The following TAB2 variants were observed in gnomAD, a reference collection of about 807,000 sequenced individuals.
The protein encoded by TAB2 is TGF-beta activated kinase 1 (MAP3K7) binding protein 2.
Under a neutral mutation model 65.0 loss-of-function variants are expected in TAB2, and 3 were observed. The ratio of observed to expected loss-of-function variants is 0.05; its 90% CI spans 0.02 to 0.12. The LOEUF is 0.12. TAB2 is among the 10% of genes least tolerant of loss of function. The probability of loss-of-function intolerance (pLI) is 1.00; values close to 1 mark genes in which losing one functional copy is unlikely to be tolerated. For synonymous variants in TAB2, 298 were observed against 285.1 expected, an observed-to-expected ratio of 1.05 and a Z score of -0.46; for missense variants, 623 against 840.3, an observed-to-expected ratio of 0.74 and a Z score of 3.20.
intron 1 of TAB2, among the ~76,000 whole-genome samples, chr6:149,369,157 C>G (rs1008185495): frequency 6.6e-6 from 1 of 152,036 alleles, no homozygotes; most frequent in Non-Finnish European, 1.5e-5. Flanking sequence ...GTACTTATCT[C>G]CTATTTATAT....
chr6:149,254,145 G>A (rs55676932), intron 1 of TAB2, among the ~76,000 whole-genome samples: 19,972 of 144,150 alleles, frequency 0.14, 1,881 homozygotes, highest in East Asian at 0.26. Context: ...GAAAGGAAAG[G>A]AAAGAAAAGG....
chr6:149,250,273 C>T (rs1403715729), intron 1 of TAB2, among the ~76,000 whole-genome samples: 6 of 151,646 alleles, frequency 4.0e-5, no homozygotes, highest in Admixed American at 2.6e-4. Flanking sequence ...AAAGTCTAAA[C>T]CTTAGTGTGT....
intron 1 of TAB2, among the ~76,000 whole-genome samples, chr6:149,337,290 C>CAATT (rs61144167): frequency 0.89 from 134,738 of 151,886 alleles, 59,768 homozygotes; most frequent in Middle Eastern, 0.96. Context: ...TTTTCAAAAA[C>CAATT]AACTATATTT....
chr6:149,344,001 TCCTTCCTTACATC>T (rs2114785865), intron 1 of TAB2, among the ~76,000 whole-genome samples: 1 of 152,318 alleles, frequency 6.6e-6, no homozygotes, highest in South Asian at 2.1e-4. Flanking sequence ...TGTGCTTAAC[TCCTTCCTTACATC>T]CCTTCCTGCA....
chr6:149,379,440 C>G lies in TAB2; in HGVS notation c.1525C>G (p.Pro509Ala). 1 of 1,614,004 alleles carries G rather than the reference C, an allele frequency of 6.2e-7. No individual in the cohort carries two copies. Among genetic ancestry groups the G allele is most frequent in the Non-Finnish European group, 8.5e-7 (1 of 1,180,002 alleles). ...ETENIQHLTD[P>A]TLAHVDRISE... ...CGAGAATATTCAGCACCTCACGGACCCTACATTAGCACATGTGGATAGAAT... is the reference window on the plus strand; with the variant it reads ...CGAGAATATTCAGCACCTCACGGACGCTACATTAGCACATGTGGATAGAAT... The change falls in exon 3 of 7, where the codon CCT (proline) becomes GCT (alanine). Residue 509 changes from proline to alanine, a missense_variant. By Grantham distance (27) the Pro-to-Ala change is conservative. Transcript: ENST00000637181.
intron 1 of TAB2, chr6:149,321,396 T>G (rs1008114740): frequency 6.6e-6 from 1 of 152,192 alleles, no homozygotes; most frequent in African/African-American, 2.4e-5. Context: ...CCTGAGTAAG[T>G]ACTCTTAGGA....
At chr6:149,353,062 C>G (rs1012301968) in intron 1 of TAB2, among the ~76,000 whole-genome samples, 1 of 152,118 alleles carries the variant, frequency 6.6e-6, no homozygotes, top group Non-Finnish European at 1.5e-5. Flanking sequence ...ATTACTGATT[C>G]CATGGTTCTC....
chr6:149,346,448 CTTTT>C (rs11399281), intron 1 of TAB2: 37 of 113,396 alleles, frequency 3.3e-4, no homozygotes, highest in Non-Finnish European at 4.3e-4. Context: ...GTTGGTGAAA[CTTTT>C]TTTTTTTTTT....
chr6:149,288,854 ATTTTT>A (rs71007938), intron 1 of TAB2, among the ~76,000 whole-genome samples: 23,459 of 115,348 alleles, frequency 0.2, 1,911 homozygotes, highest in East Asian at 0.39. Flanking sequence ...TTAATTTTTA[ATTTTT>A]TTTTTTTTTT....
At chr6:149,250,273 C>A (rs1403715729) in intron 1 of TAB2, among the ~76,000 whole-genome samples, 1 of 151,646 alleles carries the variant, frequency 6.6e-6, no homozygotes, top group South Asian at 2.1e-4. Context: ...AAAGTCTAAA[C>A]CTTAGTGTGT....
At chr6:149,308,393 A>G (rs1167398170) in intron 1 of TAB2, among the ~76,000 whole-genome samples, 1 of 152,190 alleles carries the variant, frequency 6.6e-6, no homozygotes, top group Non-Finnish European at 1.5e-5. Context: ...CTTTGCCATT[A>G]ATAAACAAAC....
intron 1 of TAB2, among the ~76,000 whole-genome samples, chr6:149,311,271 A>G (rs555156317): frequency 2.0e-5 from 3 of 152,258 alleles, no homozygotes; most frequent in African/African-American, 7.2e-5. Flanking sequence ...TTCTCCAGCT[A>G]TCACAGACAC....
chr6:149,253,617 C>CAAA (rs1170705031), intron 1 of TAB2, among the ~76,000 whole-genome samples: 831 of 64,964 alleles, frequency 0.013, 29 homozygotes, highest in African/African-American at 0.026. Flanking sequence ...AAGACTGTCT[C>CAAA]AAAAAAAAAA....
rs1781676344 is a variant in TAB2, at chr6:149,383,191, T to C, written c.1603+3673T>C. On this transcript the variant is annotated intron_variant, in intron 3 of 6. Transcript: ENST00000637181. ...AAGAAAAAAAAAGGAAAGAAAGAAC[T>C]CTAAACAATAAAGTAACACCCTGGA... 2.6e-5 allele frequency among the ~76,000 whole-genome samples: 4 copies of C among 151,552 alleles called. No individual in the cohort carries two copies. The South Asian group carries it at 8.3e-4, about 32-fold the overall frequency.
chr6:149,270,838 G>A (rs1778348117), intron 1 of TAB2, among the ~76,000 whole-genome samples: 2 of 152,110 alleles, frequency 1.3e-5, no homozygotes, highest in Non-Finnish European at 2.9e-5. Flanking sequence ...TAGAGGAAGT[G>A]TATCACATAA....
chr6:149,409,804 T>C lies in TAB2; in HGVS notation c.*85T>C, dbSNP rs546785302. 1.2e-3 allele frequency: 1,810 copies of C among 1,511,050 alleles called. 33 individuals are homozygous for C. In the South Asian group the frequency reaches 0.015, roughly 13 times the overall value. 93.6% of individuals were successfully genotyped at this position (1,511,050 alleles called of 1,614,324 possible). ...ATCGGGAAAAAGTTTCACTGCTACA[T>C]AGGATTTTGTCAAATTGAAGGTGTG... On this transcript the variant is annotated 3_prime_UTR_variant, in exon 7 of 7. Coordinates refer to ENST00000637181, the MANE Select transcript of TAB2 (RefSeq NM_001292034.3).
At chr6:149,377,237 ATTT>A (rs1200864216) in intron 2 of TAB2, among the ~76,000 whole-genome samples, 1 of 150,140 alleles carries the variant, frequency 6.7e-6, no homozygotes, top group Non-Finnish European at 1.5e-5. Flanking sequence ...CGCCCGGCTA[ATTT>A]TTTTTTATTT....
intron 3 of TAB2, among the ~76,000 whole-genome samples, chr6:149,390,515 A>T (rs1781948933): frequency 6.6e-6 from 1 of 152,226 alleles, no homozygotes; most frequent in Admixed American, 6.5e-5. Flanking sequence ...ACTAAAATTA[A>T]TAAAACTAAC....
intron 1 of TAB2, among the ~76,000 whole-genome samples, chr6:149,292,726 G>C (rs560967943): frequency 2.4e-4 from 37 of 152,242 alleles, no homozygotes; most frequent in African/African-American, 8.7e-4. Flanking sequence ...TGGAACAAAA[G>C]CACCCCTGAA....
Sources: allele counts gnomAD v4.1 joint callset (sites outside exome capture counted in the v4.1 genomes callset), GRCh38; gene constraint gnomAD v4.1.1; transcripts MANE v1.5; gene names NCBI Gene and HGNC (gene_info 2026-07-23, HGNC 2026-07-21).